The following NAV2 variants were observed in gnomAD, a reference collection of about 807,000 sequenced individuals.
NAV2 encodes the protein helicase, APC down-regulated 1.
Under a neutral mutation model 223.2 loss-of-function variants are expected in NAV2, and 54 were observed. That is an observed-to-expected ratio of 0.24 (90% CI 0.19 to 0.30). The LOEUF is 0.30. Ranked by LOEUF, NAV2 falls within the 10% of genes least tolerant of loss-of-function variation. The pLI is 1.00. For synonymous variants in NAV2, 1,279 were observed against 1,239.3 expected (o/e 1.03, Z -0.67); for missense variants, 2,806 against 3,147.5 (o/e 0.89, Z 2.60).
At chr11:20,011,877 T>C (rs528020678) in intron 11 of NAV2, among the ~76,000 whole-genome samples, 64 of 152,364 alleles carry the variant, frequency 4.2e-4, no homozygotes, top group African/African-American at 1.5e-3. Flanking sequence ...TCTTTTGTTC[T>C]TATAAACAAA....
intron 1 of NAV2, among the ~76,000 whole-genome samples, chr11:19,532,076 T>C (rs2044043099): frequency 6.6e-6 from 1 of 152,196 alleles, no homozygotes; most frequent in Non-Finnish European, 1.5e-5. Context: ...TGGAAACTAA[T>C]AGAAGTATAA....
intron 1 of NAV2, among the ~76,000 whole-genome samples, chr11:19,831,003 G>T (rs2059898568): frequency 6.6e-6 from 1 of 151,980 alleles, no homozygotes; most frequent in Admixed American, 6.6e-5. Context: ...CACTGTGGGT[G>T]CACCTTTGCA....
At chr11:20,018,556 A>G (rs979688369) in intron 11 of NAV2, among the ~76,000 whole-genome samples, 51 of 152,190 alleles carry the variant, frequency 3.4e-4, no homozygotes, top group African/African-American at 1.2e-3. Flanking sequence ...CCATTGAACT[A>G]AAGTCCTTGG....
intron 1 of NAV2, among the ~76,000 whole-genome samples, chr11:19,489,061 C>A (rs531239688): frequency 6.6e-5 from 10 of 152,318 alleles, no homozygotes; most frequent in African/African-American, 2.4e-4. Context: ...CAGAACTCAG[C>A]ATCTCTTCTA....
intron 1 of NAV2, among the ~76,000 whole-genome samples, chr11:19,628,086 C>T (rs149475430): frequency 1.3e-5 from 2 of 152,272 alleles, no homozygotes; most frequent in East Asian, 3.9e-4. Context: ...GGGAGAATCT[C>T]CTGTTGCTGA....
chr11:20,113,036 T>C (rs1867123), intron 36 of NAV2, among the ~76,000 whole-genome samples: 131,174 of 152,172 alleles, frequency 0.86, 57,683 homozygotes, highest in East Asian at 0.96. Flanking sequence ...GTCTCTGTGC[T>C]CTAAGGCCCC....
At chr11:19,661,275 A>AT (rs539848518) in intron 1 of NAV2, among the ~76,000 whole-genome samples, 1 of 151,944 alleles carries the variant, frequency 6.6e-6, no homozygotes, top group Non-Finnish European at 1.5e-5. Context: ...ACGTGTCCGA[A>AT]TTTTTTTTCC....
chr11:19,729,284 C>T lies in NAV2; in HGVS notation c.267+15322C>T, dbSNP rs906718608. On this transcript the variant is annotated intron_variant, in intron 1 of 37. Coordinates refer to ENST00000349880, the MANE Select transcript of NAV2 (RefSeq NM_145117.5). ...TGAGGTTTGAATGCATGCAAGATCC[C>T]GAGAAAACAGGGAAGCATACTTTGG... 3.9e-5 allele frequency among the ~76,000 whole-genome samples: 6 copies of T among 152,162 alleles called. No homozygotes were observed. The South Asian group carries it at 8.3e-4, about 21-fold the overall frequency.
At chr11:19,831,250 TG>T (rs543941517) in intron 1 of NAV2, among the ~76,000 whole-genome samples, 3 of 5,036 alleles carry the variant, frequency 6.0e-4, no homozygotes, top group African/African-American at 1.5e-3. Context: ...CGATGGGGAG[TG>T]GGGGGGGATG....
At chr11:20,028,010 C>A (rs1342610046) in intron 11 of NAV2, among the ~76,000 whole-genome samples, 5 of 152,282 alleles carry the variant, frequency 3.3e-5, no homozygotes, top group African/African-American at 1.2e-4. Flanking sequence ...ATTACAGATT[C>A]TTGCTTCTTT....
intron 24 of NAV2, among the ~76,000 whole-genome samples, chr11:20,078,407 A>G (rs896846881): frequency 2.6e-5 from 4 of 152,342 alleles, no homozygotes; most frequent in Non-Finnish European, 4.4e-5. Context: ...TGATATTTGC[A>G]TGCTGATATA....
chr11:19,405,187 A>G (rs1028660633), intron 1 of NAV2, among the ~76,000 whole-genome samples: 2 of 152,126 alleles, frequency 1.3e-5, no homozygotes, highest in African/African-American at 4.8e-5. Context: ...CTGGTCTTAG[A>G]CCCCACCAGG....
At chr11:19,798,550 T>TGGCCACGGGGAGCCC (rs965509498) in intron 1 of NAV2, among the ~76,000 whole-genome samples, 2 of 152,198 alleles carry the variant, frequency 1.3e-5, no homozygotes, top group African/African-American at 4.8e-5. Context: ...GAAGGGAGGC[T>TGGCCACGGGGAGCCC]GGCCACGGGG....
chr11:20,093,611 A>G (rs1485160750), intron 29 of NAV2, among the ~76,000 whole-genome samples: 2 of 152,216 alleles, frequency 1.3e-5, no homozygotes, highest in Non-Finnish European at 2.9e-5. Flanking sequence ...ATCGGTCATC[A>G]GTCACCAAGA....
intron 7 of NAV2, among the ~76,000 whole-genome samples, chr11:19,935,243 A>G (rs2045742683): frequency 6.6e-6 from 1 of 152,180 alleles, no homozygotes; most frequent in Non-Finnish European, 1.5e-5. Flanking sequence ...GATAACTAAT[A>G]CTTGTACACA....
intron 11 of NAV2, among the ~76,000 whole-genome samples, chr11:20,007,503 G>T (rs1443150118): frequency 6.6e-6 from 1 of 152,218 alleles, no homozygotes; most frequent in Non-Finnish European, 1.5e-5. Flanking sequence ...TTTCACTGAA[G>T]AAACTGATCT....
intron 1 of NAV2, among the ~76,000 whole-genome samples, chr11:19,442,511 T>C (rs147735691): frequency 5.3e-5 from 8 of 152,280 alleles, no homozygotes; most frequent in Non-Finnish European, 8.8e-5. Flanking sequence ...TGGTGGTGGA[T>C]ATGGCTAGAA....
upstream of NAV2, chr11:19,711,295 TA>T (rs2049862163): frequency 2.0e-5 from 3 of 152,188 alleles, no homozygotes; most frequent in African/African-American, 7.2e-5. Context: ...CAGGATGGCT[TA>T]AACAACAAAC....
chr11:19,670,564 G>A (rs978061304), intron 1 of NAV2, among the ~76,000 whole-genome samples: 1 of 152,220 alleles, frequency 6.6e-6, no homozygotes, highest in South Asian at 2.1e-4. Flanking sequence ...TGAGGCTGCT[G>A]AGGGTGTCTG....
Sources: gnomAD v4.1 joint callset for allele counts (sites outside exome capture counted in the v4.1 genomes callset) on GRCh38, gnomAD v4.1.1 for gene constraint, MANE v1.5 for transcripts, NCBI Gene and HGNC (gene_info 2026-07-23, HGNC 2026-07-21) for gene names.